The following HYAL4 variants were observed in gnomAD, a reference collection of about 807,000 sequenced individuals.
HYAL4 encodes the protein hyaluronidase 4.
A neutral mutation model predicts 35.2 loss-of-function variants in HYAL4; 37 were observed. The ratio of observed to expected loss-of-function variants is 1.05; its 90% CI spans 0.81 to 1.38. The LOEUF (loss-of-function observed/expected upper bound fraction) is 1.38. Among genes scored for constraint, HYAL4 ranks in the 40% most tolerant of loss-of-function variants. The probability of loss-of-function intolerance (pLI) is 0.00; values close to 1 mark genes in which losing one functional copy is unlikely to be tolerated. For missense variants in HYAL4, 572 were observed against 572.4 expected (o/e 1.00, Z 0.01); for synonymous variants, 198 against 203.2 (o/e 0.97, Z 0.22).
chr7:123,813,832 G>C, the HYAL4 span, among the ~76,000 whole-genome samples: 1 of 152,148 alleles, frequency 6.6e-6, no homozygotes, highest in Admixed American at 6.6e-5. Context: ...GCCAGTGAAG[G>C]CTTGTCAGTA....
the HYAL4 span, among the ~76,000 whole-genome samples, chr7:123,806,029 T>C: frequency 6.6e-6 from 1 of 151,988 alleles, no homozygotes; most frequent in East Asian, 1.9e-4. Context: ...AAATAAAATA[T>C]ATATGGAAAT....
chr7:123,866,738 C>T (rs1806695237), intron 2 of HYAL4, among the ~76,000 whole-genome samples: 1 of 151,704 alleles, frequency 6.6e-6, no homozygotes, highest in Admixed American at 6.6e-5. Context: ...TAGCCACTAT[C>T]GTCTTCCCTC....
chr7:123,771,702 G>C, the HYAL4 span, among the ~76,000 whole-genome samples: 1 of 151,984 alleles, frequency 6.6e-6, no homozygotes. Context: ...CTGGCCACAG[G>C]GTGCCTAGGT....
intron 4 of HYAL4, chr7:123,875,916 TCA>T: frequency 4.9e-6 from 2 of 409,704 alleles, no homozygotes; most frequent in South Asian, 3.6e-5. Flanking sequence ...TCTCAGAATT[TCA>T]CAGTCTCAAT....
At chr7:123,808,658 C>CT in the HYAL4 span, among the ~76,000 whole-genome samples, 2 of 152,146 alleles carry the variant, frequency 1.3e-5, no homozygotes, top group Non-Finnish European at 2.9e-5. Context: ...TACAGAATGT[C>CT]TAAGATACCA....
At chr7:123,789,709 T>C in the HYAL4 span, among the ~76,000 whole-genome samples, 1 of 152,186 alleles carries the variant, frequency 6.6e-6, no homozygotes, top group Admixed American at 6.5e-5. Context: ...AGCTCAGCTA[T>C]TGGATTAGTC....
chr7:123,855,245 A>G (rs1408896845), intron 2 of HYAL4, among the ~76,000 whole-genome samples: 2 of 152,094 alleles, frequency 1.3e-5, no homozygotes, highest in Non-Finnish European at 2.9e-5. Flanking sequence ...TCCTGTTATT[A>G]TGATGCTAGC....
chr7:123,829,353 T>C (rs1010786149), intron 1 of HYAL4: 8 of 152,018 alleles, frequency 5.3e-5, no homozygotes, highest in African/African-American at 1.9e-4. Flanking sequence ...GTGATTCTGC[T>C]AAAAAAAATT....
the HYAL4 span, among the ~76,000 whole-genome samples, chr7:123,821,151 T>G: frequency 6.6e-6 from 1 of 152,238 alleles, no homozygotes; most frequent in African/African-American, 2.4e-5. Context: ...TTTCACTTCT[T>G]TTATATATCC....
chr7:123,877,087 C>A lies in HYAL4; in HGVS notation c.1378C>A (p.Pro460Thr). The change falls in exon 5 of 5, where the codon CCT becomes ACT. Residue 460 changes from proline (P) to threonine (T), a missense_variant. Physicochemically the swap from Pro to Thr is conservative, Grantham distance 38 (BLOSUM62 -1). Coordinates refer to ENST00000223026, the MANE Select transcript of HYAL4 (RefSeq NM_012269.3). ...GGCTGATGGCTGCTCTGGGGTTTCC[C>A]CTTCTCCTGGTTCACTAATGACACT... ...KTADGCSGVS[P>T]SPGSLMTLCL... 1 of 1,614,168 alleles carries A rather than the reference C, an allele frequency of 6.2e-7. No individual in the cohort carries two copies. The highest frequency in any genetic ancestry group is 8.5e-7 in the Non-Finnish European group (1 of 1,180,034).
chr7:123,855,297 T>TCAA (rs1181768591), intron 2 of HYAL4, among the ~76,000 whole-genome samples: 1 of 152,214 alleles, frequency 6.6e-6, no homozygotes, highest in Non-Finnish European at 1.5e-5. Context: ...CTTCACAGTG[T>TCAA]TGATGGTCTT....
chr7:123,843,769 T>C (rs1421956840), upstream of HYAL4, among the ~76,000 whole-genome samples: 1 of 151,952 alleles, frequency 6.6e-6, no homozygotes, highest in Non-Finnish European at 1.5e-5. Context: ...TGATACCCTT[T>C]CTTCCGCTTG....
upstream of HYAL4, among the ~76,000 whole-genome samples, chr7:123,827,210 G>A (rs778423200): frequency 2.6e-5 from 4 of 152,024 alleles, no homozygotes; most frequent in Non-Finnish European, 4.4e-5. Context: ...GTTAAATGTA[G>A]GAAAGATGAA....
the HYAL4 span, among the ~76,000 whole-genome samples, chr7:123,778,160 T>C: frequency 1.0e-3 from 21 of 20,590 alleles, no homozygotes; most frequent in Non-Finnish European, 2.1e-3. Flanking sequence ...TGTCTGTCTG[T>C]CTATCTATCT....
At chr7:123,843,842 C>G (rs1183023562), upstream of HYAL4, among the ~76,000 whole-genome samples, 2 of 151,886 alleles carry the variant, frequency 1.3e-5, no homozygotes, top group Non-Finnish European at 2.9e-5. Context: ...GTTTTCAGCT[C>G]CATCAGGTCA....
chr7:123,792,333 G>A, the HYAL4 span, among the ~76,000 whole-genome samples: 3 of 152,226 alleles, frequency 2.0e-5, no homozygotes, highest in African/African-American at 4.8e-5. Context: ...AGTTGTGGAA[G>A]TAAGAGCCTG....
chr7:123,874,645 T>C, intron 3 of HYAL4, 116 bp from the exon 4 acceptor site: 1 of 617,622 alleles, frequency 1.6e-6, no homozygotes, highest in Non-Finnish European at 2.9e-6. Flanking sequence ...GACCTCGTGA[T>C]CTGCCCGCCT....
rs756799551 is a variant in HYAL4, at chr7:123,868,526, C to T, written c.253C>T (p.Gln85Ter). The change falls in exon 3 of 5, where the codon CAA becomes TAA. Residue 85 changes from glutamine to a stop codon, truncating the protein, a stop_gained. Coordinates refer to ENST00000223026, the MANE Select transcript of HYAL4 (RefSeq NM_012269.3). LOFTEE classifies it high-confidence loss of function. ...IGSPLAKARG[Q>*]NVTIFYVNRL... is the part of the protein sequence containing the mutation. ...AAGCCCACTGGCCAAGGCCAGGGGG[C>T]AAAATGTCACTATATTTTATGTCAA... is the stretch of plus-strand genomic sequence containing the variant. The T allele has an allele frequency of 1.8e-5, 29 of 1,609,436 alleles. No individual in the cohort carries two copies. The South Asian group carries it at 3.0e-4, about 17-fold the overall frequency.
the HYAL4 span, among the ~76,000 whole-genome samples, chr7:123,806,437 T>C: frequency 6.6e-6 from 1 of 152,044 alleles, no homozygotes; most frequent in African/African-American, 2.4e-5. Context: ...GATGTAGCCA[T>C]AATCTTGCTT....
Sources: allele counts gnomAD v4.1 joint callset (sites outside exome capture counted in the v4.1 genomes callset), GRCh38; gene constraint gnomAD v4.1.1; transcripts MANE v1.5; gene names NCBI Gene and HGNC (gene_info 2026-07-23, HGNC 2026-07-21).